MMP28: variants seen among roughly 807,000 people sequenced by gnomAD.
The protein encoded by MMP28 is matrix metallopeptidase 28.
MMP28 carries 55 observed loss-of-function variants against 60.5 expected under a neutral mutation model. The ratio of observed to expected loss-of-function variants is 0.91; its 90% CI spans 0.73 to 1.14. The LOEUF is 1.14. MMP28 is among the 50% of genes most tolerant of loss of function. The probability of loss-of-function intolerance (pLI) is 0.00; values close to 1 mark genes in which losing one functional copy is unlikely to be tolerated. For missense variants in MMP28, 686 were observed against 738.3 expected (o/e 0.93, Z 0.82); for synonymous variants, 318 against 312.5 (o/e 1.02, Z -0.18).
At chr17:35,783,755 C>T (rs2143508961) in intron 1 of MMP28, among the ~76,000 whole-genome samples, 1 of 151,284 alleles carries the variant, frequency 6.6e-6, no homozygotes, top group African/African-American at 2.4e-5. Flanking sequence ...CTCTGGCAGG[C>T]AAGACGGGGT....
At chr17:35,777,826 G>A (rs1389115411) in intron 3 of MMP28, among the ~76,000 whole-genome samples, 3 of 152,198 alleles carry the variant, frequency 2.0e-5, no homozygotes, top group Admixed American at 6.5e-5. Flanking sequence ...AGGCGGGTTC[G>A]AGACCAGCCT....
chr17:35,773,250 G>A lies in MMP28; in HGVS notation c.534C>T (p.Pro178=), dbSNP rs200526223. The A allele has an allele frequency of 3.6e-4, 576 of 1,614,034 alleles. No individual in the cohort carries two copies. The highest frequency in any genetic ancestry group is 4.2e-4 in the Non-Finnish European group (501 of 1,179,896). ...LEFWEAPATG[P]ADIRLTFFQG... is the part of the protein sequence containing the mutation. Reference sequence around the variant, plus strand: ...GGAAGAAGGTGAGCCGGATGTCAGCGGGGCCTGTGGCTGGGGCCTCCCAGA... The same window carrying A: ...GGAAGAAGGTGAGCCGGATGTCAGCAGGGCCTGTGGCTGGGGCCTCCCAGA... The change falls in exon 4 of 8, where the codon CCC becomes CCT. Residue 178 remains proline, a synonymous_variant. Coordinates refer to ENST00000605424, the MANE Select transcript of MMP28 (RefSeq NM_024302.5).
chr17:35,764,694 C>A (rs1463773158), downstream of MMP28: 6 of 1,442,788 alleles, frequency 4.2e-6, no homozygotes, highest in Non-Finnish European at 5.5e-6. Flanking sequence ...TCTCTTGGAG[C>A]GCGGAGCCCT....
At chr17:35,772,615 A>C (rs1328002877) in intron 4 of MMP28, among the ~76,000 whole-genome samples, 1 of 152,232 alleles carries the variant, frequency 6.6e-6, no homozygotes, top group East Asian at 1.9e-4. Context: ...GCCTATATTC[A>C]GGTTCTGAAG....
chr17:35,760,055 A>C (rs1250439586), intron 2 of MMP28, among the ~76,000 whole-genome samples: 2 of 152,138 alleles, frequency 1.3e-5, no homozygotes, highest in Non-Finnish European at 2.9e-5. Context: ...TCTCCAGCCC[A>C]TCAACTTGCC....
chr17:35,767,174 A>C, intron 7 of MMP28: 2 of 673,486 alleles, frequency 3.0e-6, no homozygotes, highest in Non-Finnish European at 5.4e-6. Flanking sequence ...CATTACTAAT[A>C]ATTCTATGAG....
chr17:35,776,713 C>T (rs1555607725), intron 3 of MMP28, among the ~76,000 whole-genome samples: 4 of 151,710 alleles, frequency 2.6e-5, no homozygotes, highest in Admixed American at 6.6e-5. Context: ...TGGTGAAACC[C>T]GTTTCTACTA....
chr17:35,763,202 G>A (rs2085859132), downstream of MMP28, among the ~76,000 whole-genome samples: 1 of 151,994 alleles, frequency 6.6e-6, no homozygotes, highest in Non-Finnish European at 1.5e-5. Context: ...GGGAGACCTA[G>A]GCAGGAGGGC....
At chr17:35,774,057 C>T (rs187950089) in intron 3 of MMP28, among the ~76,000 whole-genome samples, 1 of 152,326 alleles carries the variant, frequency 6.6e-6, no homozygotes, top group East Asian at 1.9e-4. Flanking sequence ...GAGGTGAAAA[C>T]AAATAAGAAC....
In MMP28 at chr17:35,775,651, TTGA is replaced by T. The variant is rs144452301; in HGVS notation, c.380-2250_380-2248del. 6.4e-3 allele frequency among the ~76,000 whole-genome samples: 974 copies of T among 152,282 alleles called. 8 individuals are homozygous for T. Among genetic ancestry groups the T allele is most frequent in the African/African-American group, 0.022 (920 of 41,542 alleles). On this transcript the variant is annotated intron_variant, in intron 3 of 7. Transcript: ENST00000605424. ...CTGTTTCCCTATGTGCAAAATGGGG[TTGA>T]TAAGACTTTTCCCATGGTAAGATGT...
At chr17:35,791,178 C>G (rs2086804457) in intron 1 of MMP28, among the ~76,000 whole-genome samples, 2 of 151,506 alleles carry the variant, frequency 1.3e-5, no homozygotes, top group Non-Finnish European at 1.5e-5. Context: ...CTTTAAAACA[C>G]ATGTAAAAGA....
At chr17:35,768,447 G>A in intron 5 of MMP28, 68 bp from the exon 6 acceptor site, 1 of 1,287,452 alleles carries the variant, frequency 7.8e-7, no homozygotes, top group East Asian at 2.4e-5. Flanking sequence ...GTGCACTCAA[G>A]ACCTTCCCTT....
Position 35,773,350 on chromosome 17 carries a change from T to C in MMP28, c.434A>G (p.His145Arg), listed in dbSNP as rs773773026. Residue 145 changes from histidine to arginine, a missense_variant, in exon 4 of 8, where the codon CAT becomes CGT. Transcript: ENST00000605424. ...GCCCCGAACTGCCGGCTCCGGCAGATGCTCAGGCCAGTTCACCAGGCGGTA... is the reference window on the plus strand; with the variant it reads ...GCCCCGAACTGCCGGCTCCGGCAGACGCTCAGGCCAGTTCACCAGGCGGTA... ...LSYRLVNWPEHLPEPAVRGAV... is the reference protein window; with the variant it reads ...LSYRLVNWPERLPEPAVRGAV... 5.6e-6 allele frequency: 9 copies of C among 1,612,112 alleles called. No homozygotes were observed. The highest frequency in any genetic ancestry group is 7.6e-6 in the Non-Finnish European group (9 of 1,179,216).
chr17:35,781,141 C>T (rs763104922), intron 1 of MMP28, among the ~76,000 whole-genome samples: 33 of 152,060 alleles, frequency 2.2e-4, no homozygotes, highest in Non-Finnish European at 4.1e-4. Flanking sequence ...AGAAACAGAG[C>T]GTGAGATGAA....
At chr17:35,770,499 T>C (rs2086099105) in intron 4 of MMP28, among the ~76,000 whole-genome samples, 187 bp from the exon 5 acceptor site, 1 of 152,220 alleles carries the variant, frequency 6.6e-6, no homozygotes, top group Admixed American at 6.5e-5. Context: ...AGGTGAGTAG[T>C]GCAGTGGACG....
intron 2 of MMP28, among the ~76,000 whole-genome samples, chr17:35,759,913 C>T (rs1016043199): frequency 1.3e-5 from 2 of 152,156 alleles, no homozygotes; most frequent in African/African-American, 4.8e-5. Context: ...TGTTTTCTGG[C>T]AGCACCCATG....
chr17:35,763,531 C>A (rs2085867455), downstream of MMP28, among the ~76,000 whole-genome samples: 1 of 151,382 alleles, frequency 6.6e-6, no homozygotes. Context: ...AGCCATCCAC[C>A]GACCTCGACC....
At chr17:35,786,402 A>G (rs976286236) in intron 1 of MMP28, among the ~76,000 whole-genome samples, 2 of 152,200 alleles carry the variant, frequency 1.3e-5, no homozygotes, top group Non-Finnish European at 2.9e-5. Context: ...GAATTTCAGC[A>G]GCAGAAATGA....
chr17:35,791,180 T>C (rs2086804624), intron 1 of MMP28, among the ~76,000 whole-genome samples: 1 of 151,592 alleles, frequency 6.6e-6, no homozygotes, highest in Non-Finnish European at 1.5e-5. Flanking sequence ...TTAAAACACA[T>C]GTAAAAGAAG....
Sources: allele counts gnomAD v4.1 joint callset (sites outside exome capture counted in the v4.1 genomes callset), GRCh38; gene constraint gnomAD v4.1.1; transcripts MANE v1.5; gene names NCBI Gene and HGNC (gene_info 2026-07-23, HGNC 2026-07-21).